The following SEMA3D variants were observed in gnomAD, a reference collection of about 807,000 sequenced individuals.
SEMA3D encodes semaphorin-3D.
In SEMA3D, 84 loss-of-function variants were observed where a neutral mutation model predicts 100.1. That is an observed-to-expected ratio of 0.84 (90% CI 0.70 to 1.01). SEMA3D has a LOEUF of 1.01. Among genes scored for constraint, SEMA3D ranks in the 50% least tolerant of loss-of-function variants. SEMA3D has a pLI of 0.00. For missense variants in SEMA3D, 875 were observed against 934.1 expected (o/e 0.94, Z 0.82); for synonymous variants, 312 against 320.7 (o/e 0.97, Z 0.29).
chr7:85,129,082 C>A (rs1434811335), intron 2 of SEMA3D, among the ~76,000 whole-genome samples: 1 of 151,504 alleles, frequency 6.6e-6, no homozygotes, highest in African/African-American at 2.4e-5. Flanking sequence ...GATAGGGTCT[C>A]ACTATTTTGA....
the SEMA3D span, among the ~76,000 whole-genome samples, chr7:85,230,076 T>C: frequency 5.9e-5 from 9 of 152,302 alleles, no homozygotes; most frequent in Non-Finnish European, 2.9e-5. Context: ...TCCAGATAAA[T>C]GTGCAGCAAA....
intron 2 of SEMA3D, chr7:85,142,320 A>G: frequency 1.0e-6 from 1 of 969,718 alleles, no homozygotes; most frequent in Non-Finnish European, 1.2e-6. Context: ...CCTCAGTGTC[A>G]GCCAAAGTTA....
At chr7:85,024,562 T>A (rs1050452731) in intron 12 of SEMA3D, among the ~76,000 whole-genome samples, 7 of 151,924 alleles carry the variant, frequency 4.6e-5, no homozygotes, top group Non-Finnish European at 7.4e-5. Context: ...TTAAGTGTAA[T>A]AAAATCTAAG....
chr7:85,229,707 T>G, the SEMA3D span, among the ~76,000 whole-genome samples: 1 of 152,122 alleles, frequency 6.6e-6, no homozygotes, highest in Non-Finnish European at 1.5e-5. Flanking sequence ...CTTCTAATAA[T>G]AGAACTTTGC....
At chr7:85,051,439 C>T (rs969052510) in intron 9 of SEMA3D, among the ~76,000 whole-genome samples, 3 of 151,940 alleles carry the variant, frequency 2.0e-5, no homozygotes, top group Non-Finnish European at 4.4e-5. Flanking sequence ...CAACACTCTT[C>T]TCCAGTTTTC....
chr7:85,136,520 T>C (rs1789872409), intron 2 of SEMA3D, among the ~76,000 whole-genome samples: 2 of 152,108 alleles, frequency 1.3e-5, no homozygotes, highest in Non-Finnish European at 2.9e-5. Context: ...AAGTAACATA[T>C]TAAAAAACAT....
chr7:85,236,156 T>A, the SEMA3D span, among the ~76,000 whole-genome samples: 1 of 152,080 alleles, frequency 6.6e-6, no homozygotes, highest in Admixed American at 6.6e-5. Context: ...AGCAGAATTA[T>A]GACCATTTCA....
chr7:85,246,535 A>T, the SEMA3D span, among the ~76,000 whole-genome samples: 12 of 152,148 alleles, frequency 7.9e-5, no homozygotes, highest in South Asian at 2.5e-3. Flanking sequence ...GAAACGCTTA[A>T]TTGTCAATAT....
At chr7:85,203,104 T>C in the SEMA3D span, among the ~76,000 whole-genome samples, 1 of 152,196 alleles carries the variant, frequency 6.6e-6, no homozygotes, top group East Asian at 1.9e-4. Context: ...TCTCCTCATA[T>C]TGTCTCTCTT....
intron 17 of SEMA3D, among the ~76,000 whole-genome samples, chr7:85,009,545 C>T (rs1197039511): frequency 1.3e-5 from 2 of 151,058 alleles, no homozygotes; most frequent in African/African-American, 4.9e-5. Context: ...GTGTTTCATA[C>T]TCCAATCAAT....
intron 1 of SEMA3D, among the ~76,000 whole-genome samples, chr7:85,166,150 A>G (rs1360119040): frequency 2.0e-5 from 3 of 151,894 alleles, no homozygotes; most frequent in Non-Finnish European, 4.4e-5. Context: ...ATATACCTAC[A>G]CACATATACA....
At chr7:85,102,702 T>C (rs750248236) in intron 3 of SEMA3D, among the ~76,000 whole-genome samples, 1 of 152,030 alleles carries the variant, frequency 6.6e-6, no homozygotes, top group African/African-American at 2.4e-5. Flanking sequence ...AGGAAGACTA[T>C]CCAGAGGTTC....
the SEMA3D span, among the ~76,000 whole-genome samples, chr7:85,200,106 T>C: frequency 2.0e-5 from 3 of 152,342 alleles, no homozygotes; most frequent in Middle Eastern, 3.4e-3. Flanking sequence ...CAGTCTCAGG[T>C]ATGTCTTTAT....
intron 2 of SEMA3D, among the ~76,000 whole-genome samples, chr7:85,130,479 G>C (rs1209644617): frequency 6.6e-6 from 1 of 152,096 alleles, no homozygotes; most frequent in Non-Finnish European, 1.5e-5. Context: ...AAACATTATA[G>C]AATAAGTTTG....
intron 2 of SEMA3D, chr7:85,142,545 T>C: frequency 1.0e-6 from 1 of 983,056 alleles, no homozygotes; most frequent in Non-Finnish European, 1.2e-6. Flanking sequence ...TTCCCCAATT[T>C]GCATTGGATA....
rs1052828538 is a variant in SEMA3D, at chr7:85,049,461, T to C, written c.861+6256A>G. Among the ~76,000 whole-genome samples the C allele has an allele frequency of 1.4e-4, 21 of 151,580 alleles. No homozygotes were observed. In the Admixed American group the frequency reaches 1.4e-3, roughly 10 times the overall value. The stretch of plus-strand genomic sequence containing the variant: ...TTTAGCACATTCAGTTAGGTAAATC[T>C]AGGAATGTTAAGCAGTCCTTTTCAG... On this transcript the variant is annotated intron_variant, in intron 9 of 18. Coordinates refer to ENST00000284136, the MANE Select transcript of SEMA3D (RefSeq NM_001384900.1).
intron 1 of SEMA3D, chr7:85,181,798 A>G: frequency 1.0e-6 from 1 of 976,500 alleles, no homozygotes; most frequent in Non-Finnish European, 1.2e-6. Context: ...ATGCTAGTTA[A>G]AGATGACCTG....
intron 3 of SEMA3D, among the ~76,000 whole-genome samples, chr7:85,110,036 C>A (rs566383143): frequency 3.3e-5 from 5 of 151,906 alleles, no homozygotes; most frequent in Non-Finnish European, 5.9e-5. Context: ...AAAGACACAA[C>A]CCAAGTGCCT....
chr7:85,017,478 C>T (rs1034941366), intron 15 of SEMA3D, among the ~76,000 whole-genome samples: 1 of 151,608 alleles, frequency 6.6e-6, no homozygotes, highest in Admixed American at 6.6e-5. Context: ...AAGAAGAAAA[C>T]TATTTAGATA....
Sources: gnomAD v4.1 joint callset for allele counts (sites outside exome capture counted in the v4.1 genomes callset) on GRCh38, gnomAD v4.1.1 for gene constraint, MANE v1.5 for transcripts, NCBI Gene and HGNC (gene_info 2026-07-23, HGNC 2026-07-21) for gene names.